Variants in SLC9A7 observed in about 807,000 individuals in gnomAD.
SLC9A7 encodes solute carrier family 9 member A7.
A neutral mutation model predicts 52.6 loss-of-function variants in SLC9A7; 19 were observed. The observed-to-expected ratio is 0.36, with a 90% CI of 0.25 to 0.53. The LOEUF (loss-of-function observed/expected upper bound fraction) is 0.53. Among genes scored for constraint, SLC9A7 ranks in the 20% least tolerant of loss-of-function variants. The probability of loss-of-function intolerance (pLI) is 0.91; values close to 1 mark genes in which losing one functional copy is unlikely to be tolerated. For synonymous variants in SLC9A7, 226 were observed against 252.1 expected, an observed-to-expected ratio of 0.90 and a Z score of 0.98; for missense variants, 455 against 597.9, an observed-to-expected ratio of 0.76 and a Z score of 2.49.
At chrX:46,705,610 G>A (rs891158824) in intron 1 of SLC9A7, among the ~76,000 whole-genome samples, 3 of 111,572 alleles carry the variant, frequency 2.7e-5, no homozygotes, top group African/African-American at 9.8e-5. Context: ...TTAGGCAGGA[G>A]GATTGCTTGA....
intron 1 of SLC9A7, among the ~76,000 whole-genome samples, chrX:46,729,940 T>C (rs180783247): frequency 8.9e-6 from 1 of 111,882 alleles, no homozygotes; most frequent in African/African-American, 3.2e-5. Context: ...TGGTGATATT[T>C]TGGTTTGGAT....
At position 46,621,011 on chromosome X, in the gene SLC9A7, ATGCGC is replaced by A; in HGVS notation, c.1784_1788del (p.Ser595MetfsTer10). 2 of 1,209,018 alleles carry A rather than the reference ATGCGC, an allele frequency of 1.7e-6. No individual in the cohort carries two copies. Among genetic ancestry groups the A allele is most frequent in the Non-Finnish European group, 2.2e-6 (2 of 893,596 alleles). ...AAGCTGTACCACAGCCTGAATATCC[ATGCGC>A]TCTCCTGTTTTGTCCGGTTTCCTCT... On this transcript the variant is annotated frameshift_variant, in exon 15 of 17. Coordinates refer to ENST00000616978, the MANE Select transcript of SLC9A7 (RefSeq NM_001257291.2). LOFTEE classifies it high-confidence loss of function.
At chrX:46,669,514 T>C in intron 5 of SLC9A7, 93 bp downstream of exon 5, 1 of 466,515 alleles carries the variant, frequency 2.1e-6, no homozygotes, top group Non-Finnish European at 3.5e-6. Flanking sequence ...ACATTCTCCC[T>C]ACTGCAACAA....
intron 3 of SLC9A7, among the ~76,000 whole-genome samples, chrX:46,675,637 C>T (rs1161989125): frequency 1.8e-5 from 2 of 112,065 alleles, no homozygotes; most frequent in African/African-American, 6.5e-5. Flanking sequence ...TTCATCTGCT[C>T]CTTTTTTGTC....
At position 46,623,509 on chromosome X, in the gene SLC9A7, C is replaced by G. The variant is rs1017905648; in HGVS notation, c.1741-2450G>C. ...AAGCCTGTGCAGAAGCGTGGCTTCT[C>G]TAAGAAATGTTTCAAAAGCGACATA... On this transcript the variant is annotated intron_variant, in intron 14 of 16. Coordinates refer to ENST00000616978, the MANE Select transcript of SLC9A7 (RefSeq NM_001257291.2). Among the ~76,000 whole-genome samples, 8 of 110,866 alleles carry G rather than the reference C, an allele frequency of 7.2e-5. 1 individual carries two copies. The Admixed American group carries it at 7.7e-4, about 11-fold the overall frequency.
intron 1 of SLC9A7, chrX:46,685,315 C>T: frequency 8.1e-6 from 1 of 123,341 alleles, no homozygotes; most frequent in Non-Finnish European, 1.7e-5. Context: ...TCGAACTCCA[C>T]AGCTTCTCCA....
At chrX:46,647,287 C>T in intron 11 of SLC9A7, 1 of 166,319 alleles carries the variant, frequency 6.0e-6, no homozygotes, top group Non-Finnish European at 1.2e-5. Flanking sequence ...CTCCAGGTTC[C>T]AGGCACTTTC....
chrX:46,705,680 T>TA (rs1217379774), intron 1 of SLC9A7, among the ~76,000 whole-genome samples: 1 of 111,216 alleles, frequency 9.0e-6, no homozygotes, highest in South Asian at 3.8e-4. Flanking sequence ...ACAAAAAAAT[T>TA]AAAAAATCAA....
At chrX:46,748,990 G>A (rs373669627) in intron 1 of SLC9A7, among the ~76,000 whole-genome samples, 43 of 111,495 alleles carry the variant, frequency 3.9e-4, no homozygotes, top group East Asian at 3.1e-3. Flanking sequence ...CAACTACCAC[G>A]TGACTTATCA....
intron 2 of SLC9A7, among the ~76,000 whole-genome samples, chrX:46,680,417 G>A (rs1036993578): frequency 1.0e-4 from 11 of 110,532 alleles, no homozygotes; most frequent in African/African-American, 3.6e-4. Flanking sequence ...AAAAGATGCC[G>A]TCGTGATTCT....
intron 12 of SLC9A7, 142 bp downstream of exon 12, chrX:46,643,094 A>G (rs1943431334): frequency 2.0e-6 from 1 of 500,430 alleles, no homozygotes. Context: ...TTTAAAAAAA[A>G]TTGTTAATCC....
chrX:46,620,427 AAAAC>A (rs1314645797), intron 15 of SLC9A7, among the ~76,000 whole-genome samples: 5 of 111,044 alleles, frequency 4.5e-5, no homozygotes, highest in South Asian at 3.8e-4. Flanking sequence ...TCAAAAACAA[AAAAC>A]AAACAAACAA....
chrX:46,662,618 T>G lies in SLC9A7; in HGVS notation c.819A>C (p.Glu273Asp). The G allele has an allele frequency of 2.5e-6, 3 of 1,208,768 alleles. No individual in the cohort carries two copies. The highest frequency in any genetic ancestry group is 3.4e-6 in the Non-Finnish European group (3 of 892,991). Residue 273 changes from glutamate (E) to aspartate (D), a missense_variant, in exon 6 of 17, where the codon GAA becomes GAC. Transcript: ENST00000616978. ...CGTAAAGATCCACGTCTGCATGCAATTCATTAAATATCGCCAGCACAGTCA... is the reference window on the plus strand; with the variant it reads ...CGTAAAGATCCACGTCTGCATGCAAGTCATTAAATATCGCCAGCACAGTCA... Reference protein sequence around the residue: ...DPVTVLAIFNELHADVDLYAL... With the variant: ...DPVTVLAIFNDLHADVDLYAL...
intron 7 of SLC9A7, among the ~76,000 whole-genome samples, chrX:46,658,362 T>C (rs1943745169): frequency 1.0e-5 from 1 of 99,382 alleles, no homozygotes; most frequent in African/African-American, 3.7e-5. Context: ...AGGCAAGAAA[T>C]AACTAAAATC....
At position 46,601,897 on chromosome X, in the gene SLC9A7, T is replaced by TG. The variant is rs910193507; in HGVS notation, c.*5054dup. On this transcript the variant is annotated 3_prime_UTR_variant, in exon 17 of 17. Coordinates refer to ENST00000616978, the MANE Select transcript of SLC9A7 (RefSeq NM_001257291.2). ...TACGGAAACCACCACCATCACCATGTGATAGCAAAGGACCACAACCTTCTA... is the reference window on the plus strand; with the variant it reads ...TACGGAAACCACCACCATCACCATGTGGATAGCAAAGGACCACAACCTTCTA... 1 of 112,028 alleles carries TG rather than the reference T, an allele frequency of 8.9e-6. No individual in the cohort carries two copies. The highest frequency in any genetic ancestry group is 3.2e-5 in the African/African-American group (1 of 30,827). The allele number at this position is 112,028 out of a possible 1,213,427, so 9.2% of individuals were successfully genotyped here.
chrX:46,610,919 AC>A (rs766833521), intron 16 of SLC9A7, among the ~76,000 whole-genome samples: 190 of 112,725 alleles, frequency 1.7e-3, no homozygotes, highest in Non-Finnish European at 9.6e-4. Flanking sequence ...TTTTACTATT[AC>A]ATAGACATGA....
intron 4 of SLC9A7, among the ~76,000 whole-genome samples, chrX:46,671,752 C>T (rs1944028746): frequency 8.9e-6 from 1 of 112,200 alleles, no homozygotes; most frequent in Admixed American, 9.4e-5. Flanking sequence ...AAGGTACATA[C>T]TATCAACGTG....
intron 15 of SLC9A7, among the ~76,000 whole-genome samples, chrX:46,616,801 C>T (rs1217045883): frequency 9.0e-6 from 1 of 111,486 alleles, no homozygotes; most frequent in Non-Finnish European, 1.9e-5. Context: ...TTCTAACAAC[C>T]AATTTTGTCG....
rs1032097463 is a variant in SLC9A7 at position 46,630,066 on chromosome X, A to G, written c.1740+1520T>C. 3.6e-5 allele frequency among the ~76,000 whole-genome samples: 4 copies of G among 111,574 alleles called. No homozygotes were observed. In the Admixed American group the frequency reaches 3.8e-4, roughly 11 times the overall value. ...TGAAGCTTATTGAAAACTCTTCCCAAAATGTCCAGAACTTTCCAGGTCATG... is the reference window on the plus strand; with the variant it reads ...TGAAGCTTATTGAAAACTCTTCCCAGAATGTCCAGAACTTTCCAGGTCATG... On this transcript the variant is annotated intron_variant, in intron 14 of 16. Coordinates refer to ENST00000616978, the MANE Select transcript of SLC9A7 (RefSeq NM_001257291.2).
Sources: allele counts gnomAD v4.1 joint callset (sites outside exome capture counted in the v4.1 genomes callset), GRCh38; gene constraint gnomAD v4.1.1; transcripts MANE v1.5; gene names NCBI Gene and HGNC (gene_info 2026-07-23, HGNC 2026-07-21).